DERL1: variants seen among roughly 807,000 people sequenced by gnomAD.
DERL1 encodes the protein derlin 1, also known as derlin-1.
In DERL1, 24 loss-of-function variants were observed where a neutral mutation model predicts 41.6. That is an observed-to-expected ratio of 0.58 (90% CI 0.42 to 0.81). The LOEUF is 0.81. Ranked by LOEUF, DERL1 falls within the 30% of genes least tolerant of loss-of-function variation. The pLI, the probability that DERL1 is intolerant of heterozygous loss-of-function variation, is 0.00. For synonymous variants in DERL1, 124 were observed against 112.5 expected, an observed-to-expected ratio of 1.10 and a Z score of -0.65; for missense variants, 260 against 314.3, an observed-to-expected ratio of 0.83 and a Z score of 1.31.
chr8:123,032,834 C>T (rs1812843834), intron 1 of DERL1, among the ~76,000 whole-genome samples: 1 of 151,028 alleles, frequency 6.6e-6, no homozygotes, highest in African/African-American at 2.4e-5. Flanking sequence ...GTTCCTATGC[C>T]AATATCAAGT....
intron 6 of DERL1, among the ~76,000 whole-genome samples, chr8:123,020,402 C>T (rs1814730008): frequency 6.6e-6 from 1 of 152,066 alleles, no homozygotes; most frequent in Admixed American, 6.6e-5. Flanking sequence ...ATTGCTTGAA[C>T]CTGGGAAGCA....
At chr8:123,032,296 G>A (rs1035047651) in intron 1 of DERL1, among the ~76,000 whole-genome samples, 5 of 151,792 alleles carry the variant, frequency 3.3e-5, no homozygotes, top group Admixed American at 1.3e-4. Context: ...CACCACACCT[G>A]GCTAATTTTT....
chr8:123,036,465 G>T (rs756071271), intron 1 of DERL1, among the ~76,000 whole-genome samples: 20 of 152,208 alleles, frequency 1.3e-4, no homozygotes, highest in Non-Finnish European at 2.9e-5. Flanking sequence ...AGAGGACAGT[G>T]ACCAGAAGGA....
At position 123,015,276 on chromosome 8, in the gene DERL1, T is replaced by C; in HGVS notation, c.*171A>G. 1.1e-6 allele frequency: 1 copy of C among 928,736 alleles called. No individual in the cohort carries two copies. The highest frequency in any genetic ancestry group is 1.7e-5 in the African/African-American group (1 of 60,352). The allele number at this position is 928,736 out of a possible 1,614,324, so 57.5% of individuals were successfully genotyped here. A position where few individuals can be genotyped will look rare whatever the true frequency, so the allele number is the denominator to read the frequency against. On this transcript the variant is annotated 3_prime_UTR_variant, in exon 8 of 8. Transcript: ENST00000259512. Reference sequence around the variant, plus strand: ...AGGACTTGAATGAGAATCGTGAAACTTGTGGAACACTTATATTTTTCTTCG... The same window carrying C: ...AGGACTTGAATGAGAATCGTGAAACCTGTGGAACACTTATATTTTTCTTCG...
chr8:123,035,779 T>G (rs1490796724), intron 1 of DERL1, among the ~76,000 whole-genome samples: 1 of 152,048 alleles, frequency 6.6e-6, no homozygotes, highest in Non-Finnish European at 1.5e-5. Context: ...AACTTCAGAG[T>G]GTAGGTTGCA....
chr8:123,031,460 G>A (rs1482805448), intron 1 of DERL1, among the ~76,000 whole-genome samples: 1 of 152,124 alleles, frequency 6.6e-6, no homozygotes, highest in South Asian at 2.1e-4. Flanking sequence ...CAGGAGAATC[G>A]CTTGAACCCA....
At chr8:123,030,853 A>G in intron 1 of DERL1, 137 bp from the exon 2 acceptor site, 1 of 646,218 alleles carries the variant, frequency 1.5e-6, no homozygotes, top group Non-Finnish European at 2.7e-6. Context: ...AACTCAAGAA[A>G]ACAACTGAAG....
Position 123,042,057 on chromosome 8 carries a change from G to C in DERL1, c.66C>G (p.Thr22=). The C allele has an allele frequency of 6.2e-7, 1 of 1,613,922 alleles. No homozygotes were observed. Among genetic ancestry groups the C allele is most frequent in the Non-Finnish European group, 8.5e-7 (1 of 1,179,928 alleles). Residue 22 remains threonine (T), a synonymous_variant, in exon 1 of 8, where the codon ACC becomes ACG. Coordinates refer to ENST00000259512, the MANE Select transcript of DERL1 (RefSeq NM_024295.6). ...GTTTGCCGACCAAGGGCACGGCGAC[G>C]GTGGCGGCGAACCAATAGCGCGTGA... ...PAITRYWFAA[T]VAVPLVGKLG...
chr8:123,020,901 G>A (rs1814745620), intron 6 of DERL1, among the ~76,000 whole-genome samples: 1 of 151,096 alleles, frequency 6.6e-6, no homozygotes, highest in African/African-American at 2.4e-5. Context: ...ATGAGGCAGA[G>A]GTTACAATGA....
chr8:123,019,089 G>T, intron 7 of DERL1, 106 bp downstream of exon 7: 1 of 777,640 alleles, frequency 1.3e-6, no homozygotes. Context: ...GGTTTCTCCA[G>T]CAGATGGGGC....
intron 6 of DERL1, among the ~76,000 whole-genome samples, 156 bp from the exon 7 acceptor site, chr8:123,019,461 A>G (rs1814698172): frequency 6.6e-6 from 1 of 152,166 alleles, no homozygotes; most frequent in African/African-American, 2.4e-5. Context: ...TCTGAGTGGC[A>G]AATGCATTCT....
Position 123,015,595 on chromosome 8 carries a change from A to G in DERL1, c.618-10T>C, listed in dbSNP as rs764440075. On this transcript the variant is annotated splice_polypyrimidine_tract_variant and intron_variant, in intron 7 of 7. Transcript: ENST00000259512. ...GGGCAGCCAGCGGTACCTGGTGCAG[A>G]AAGACGGGGACACAAACGGAGAGAA... The G allele has an allele frequency of 6.2e-7, 1 of 1,605,820 alleles. No homozygotes were observed. Among genetic ancestry groups the G allele is most frequent in the Non-Finnish European group, 8.5e-7 (1 of 1,175,866 alleles).
chr8:123,022,858 C>A (rs536523421), intron 4 of DERL1, 79 bp from the exon 5 acceptor site: 7 of 1,103,652 alleles, frequency 6.3e-6, no homozygotes, highest in Non-Finnish European at 9.7e-6. Context: ...CTTTTTACCC[C>A]TCCTCTTCAC....
intron 1 of DERL1, among the ~76,000 whole-genome samples, chr8:123,032,544 T>C (rs1812839308): frequency 6.6e-6 from 1 of 152,248 alleles, no homozygotes; most frequent in African/African-American, 2.4e-5. Flanking sequence ...AAAAGTTTAA[T>C]TAAATGTAGG....
chr8:123,015,361 A>G lies in DERL1; in HGVS notation c.*86T>C, dbSNP rs1012219390. 61 of 1,510,620 alleles carry G rather than the reference A, an allele frequency of 4.0e-5. No individual in the cohort carries two copies. The highest frequency in any genetic ancestry group is 1.1e-4 in the African/African-American group (8 of 72,640). 93.6% of individuals were successfully genotyped at this position (1,510,620 alleles called of 1,614,324 possible). A position where few individuals can be genotyped will look rare whatever the true frequency, so the allele number is the denominator to read the frequency against. ...ACATTCAGTGTGGGTCAGGTCCAAC[A>G]GTGTTAGCCAGAACGCAGTTGTTAA... On this transcript the variant is annotated 3_prime_UTR_variant, in exon 8 of 8. Coordinates refer to ENST00000259512, the MANE Select transcript of DERL1 (RefSeq NM_024295.6).
Position 123,022,669 on chromosome 8 carries a change from A to G in DERL1, c.453+15T>C, listed in dbSNP as rs200719204. 53 of 1,611,742 alleles carry G rather than the reference A, an allele frequency of 3.3e-5. No individual in the cohort carries two copies. The African/African-American group carries it at 5.6e-4, about 17-fold the overall frequency. Reference sequence around the variant, plus strand: ...GACAAATGAAAAGGACACTTTTCCAACCAAGGCAAAGTACCTTAAATCGTG... The same window carrying G: ...GACAAATGAAAAGGACACTTTTCCAGCCAAGGCAAAGTACCTTAAATCGTG... On this transcript the variant is annotated intron_variant, in intron 5 of 7. Coordinates refer to ENST00000259512, the MANE Select transcript of DERL1 (RefSeq NM_024295.6).
intron 1 of DERL1, among the ~76,000 whole-genome samples, chr8:123,031,373 T>C (rs1251993545): frequency 6.6e-6 from 1 of 151,974 alleles, no homozygotes; most frequent in African/African-American, 2.4e-5. Context: ...GGTGAAACCC[T>C]GTCTCCAATA....
chr8:123,038,370 A>T (rs1020948759), intron 1 of DERL1, among the ~76,000 whole-genome samples: 1 of 152,174 alleles, frequency 6.6e-6, no homozygotes, highest in African/African-American at 2.4e-5. Context: ...TGGGTCTGAA[A>T]GTTACATGTG....
intron 1 of DERL1, among the ~76,000 whole-genome samples, chr8:123,041,204 A>T (rs1813055809): frequency 6.6e-6 from 1 of 152,248 alleles, no homozygotes; most frequent in African/African-American, 2.4e-5. Context: ...TGTTATCCAT[A>T]GGCCAAGTAA....
Sources: allele counts gnomAD v4.1 joint callset (sites outside exome capture counted in the v4.1 genomes callset), GRCh38; gene constraint gnomAD v4.1.1; transcripts MANE v1.5; gene names NCBI Gene and HGNC (gene_info 2026-07-23, HGNC 2026-07-21).